AUTS2: variants seen among roughly 807,000 people sequenced by gnomAD.
AUTS2 encodes the protein autism susceptibility gene 2 protein.
Under a neutral mutation model 112.4 loss-of-function variants are expected in AUTS2, and 17 were observed. The ratio of observed to expected loss-of-function variants is 0.15; its 90% confidence interval spans 0.10 to 0.23. The LOEUF is 0.23. AUTS2 is among the 10% of genes least tolerant of loss of function. AUTS2 has a pLI of 1.00. For synonymous variants in AUTS2, 751 were observed against 702.7 expected, an observed-to-expected ratio of 1.07 and a Z score of -1.09; for missense variants, 1,510 against 1,701.6, an observed-to-expected ratio of 0.89 and a Z score of 1.98.
At chr7:70,155,766 A>G (rs538377882) in intron 4 of AUTS2, among the ~76,000 whole-genome samples, 1 of 152,202 alleles carries the variant, frequency 6.6e-6, no homozygotes, top group South Asian at 2.1e-4. Flanking sequence ...TTACTCTACT[A>G]GGGTAACCAA....
chr7:70,034,764 C>T (rs60558088), intron 2 of AUTS2, among the ~76,000 whole-genome samples: 4,456 of 152,138 alleles, frequency 0.029, 250 homozygotes, highest in African/African-American at 0.1. Context: ...TTAAGGTTAC[C>T]ACTCAGAACA....
intron 4 of AUTS2, among the ~76,000 whole-genome samples, chr7:70,223,736 T>C (rs1811605726): frequency 6.6e-6 from 1 of 152,182 alleles, no homozygotes; most frequent in South Asian, 2.1e-4. Context: ...GGTAGCTCCA[T>C]GCATGTTATT....
intron 3 of AUTS2, among the ~76,000 whole-genome samples, chr7:70,122,567 C>A (rs745515257): frequency 6.6e-6 from 1 of 152,020 alleles, no homozygotes; most frequent in Non-Finnish European, 1.5e-5. Context: ...ATTATAAAAT[C>A]CTGTCAGTCT....
intron 2 of AUTS2, among the ~76,000 whole-genome samples, chr7:69,997,981 T>G (rs1799022821): frequency 6.6e-6 from 1 of 152,192 alleles, no homozygotes; most frequent in Admixed American, 6.5e-5. Context: ...CAGGAGCAAT[T>G]TAACATTCTG....
chr7:70,005,576 G>A lies in AUTS2; in HGVS notation c.522+106078G>A, dbSNP rs114849546. Among the ~76,000 whole-genome samples, 443 of 152,272 alleles carry A rather than the reference G, an allele frequency of 2.9e-3. 5 individuals carry two copies. Among genetic ancestry groups the A allele is most frequent in the African/African-American group, 0.01 (428 of 41,574 alleles). ...GGGGCTGTTATAACAGGCATGTGCTGTTCGAGTTCAGGGGAAAGATGCACT... is the reference window on the plus strand; with the variant it reads ...GGGGCTGTTATAACAGGCATGTGCTATTCGAGTTCAGGGGAAAGATGCACT... On this transcript the variant is annotated intron_variant, in intron 2 of 18. Transcript: ENST00000342771.
chr7:70,127,354 G>A (rs975664017), intron 3 of AUTS2, among the ~76,000 whole-genome samples: 5 of 152,072 alleles, frequency 3.3e-5, no homozygotes, highest in African/African-American at 9.6e-5. Flanking sequence ...GGCTGGTCTC[G>A]AGCTCCTGGC....
chr7:70,167,400 CAG>C (rs142376036), intron 4 of AUTS2, among the ~76,000 whole-genome samples: 1,631 of 152,190 alleles, frequency 0.011, 26 homozygotes, highest in African/African-American at 0.036. Context: ...TACACAATAA[CAG>C]AGCTTCAGAA....
intron 2 of AUTS2, among the ~76,000 whole-genome samples, chr7:69,986,714 A>G (rs1396690320): frequency 1.3e-5 from 2 of 152,218 alleles, no homozygotes; most frequent in Admixed American, 1.3e-4. Context: ...TTTTCTGGAC[A>G]GTTATCCAAA....
intron 1 of AUTS2, among the ~76,000 whole-genome samples, chr7:69,858,161 C>G (rs1461345125): frequency 6.6e-6 from 1 of 152,172 alleles, no homozygotes; most frequent in Non-Finnish European, 1.5e-5. Context: ...AATTTATGAC[C>G]ACTTCTGGGG....
chr7:70,489,316 G>T (rs1463745364), intron 5 of AUTS2, among the ~76,000 whole-genome samples: 1 of 152,170 alleles, frequency 6.6e-6, no homozygotes, highest in African/African-American at 2.4e-5. Flanking sequence ...TTAATCAGGG[G>T]CAACTGACTT....
chr7:70,789,179 CTG>C (rs1393950937), intron 18 of AUTS2, among the ~76,000 whole-genome samples: 1 of 152,180 alleles, frequency 6.6e-6, no homozygotes, highest in Admixed American at 6.5e-5. Flanking sequence ...TTCTCACGTG[CTG>C]TGTCTTGGAG....
intron 4 of AUTS2, among the ~76,000 whole-genome samples, chr7:70,344,693 G>T (rs1791414638): frequency 6.6e-6 from 1 of 152,182 alleles, no homozygotes; most frequent in Non-Finnish European, 1.5e-5. Flanking sequence ...AATAAGCAAA[G>T]ATGACATTTG....
chr7:70,233,969 A>T (rs1053227166), intron 4 of AUTS2, among the ~76,000 whole-genome samples: 1 of 152,156 alleles, frequency 6.6e-6, no homozygotes, highest in Non-Finnish European at 1.5e-5. Flanking sequence ...GATCATGTGG[A>T]GGATGTATGT....
intron 1 of AUTS2, among the ~76,000 whole-genome samples, chr7:69,694,190 T>C (rs1797460302): frequency 6.6e-6 from 1 of 152,220 alleles, no homozygotes; most frequent in Admixed American, 6.5e-5. Context: ...TACCAAGTAC[T>C]AGTTTTGAAA....
intron 4 of AUTS2, among the ~76,000 whole-genome samples, chr7:70,236,397 G>C (rs1283966755): frequency 6.6e-6 from 1 of 152,156 alleles, no homozygotes; most frequent in African/African-American, 2.4e-5. Context: ...GTGACCTACT[G>C]TGCCAGGTGG....
chr7:70,002,286 G>C (rs1799234203), intron 2 of AUTS2, among the ~76,000 whole-genome samples: 1 of 152,088 alleles, frequency 6.6e-6, no homozygotes, highest in Non-Finnish European at 1.5e-5. Flanking sequence ...TTGTGAACAA[G>C]TAGAAAAATA....
At chr7:70,239,498 C>T (rs1271393221) in intron 4 of AUTS2, among the ~76,000 whole-genome samples, 3 of 152,010 alleles carry the variant, frequency 2.0e-5, no homozygotes, top group Non-Finnish European at 4.4e-5. Context: ...TGCAATGGTG[C>T]GATCTTGGCT....
chr7:69,758,112 A>G (rs1788018367), intron 1 of AUTS2, among the ~76,000 whole-genome samples: 1 of 152,218 alleles, frequency 6.6e-6, no homozygotes, highest in Non-Finnish European at 1.5e-5. Flanking sequence ...GCTAGAATTA[A>G]TTAGTTCTGC....
chr7:70,277,382 A>G (rs528097954), intron 4 of AUTS2, among the ~76,000 whole-genome samples: 47 of 152,244 alleles, frequency 3.1e-4, no homozygotes, highest in African/African-American at 8.4e-4. Context: ...GGGAGTGATC[A>G]GGAGTGTTAA....
Sources: gnomAD v4.1 joint callset for allele counts (sites outside exome capture counted in the v4.1 genomes callset) on GRCh38, gnomAD v4.1.1 for gene constraint, MANE v1.5 for transcripts, NCBI Gene and HGNC (gene_info 2026-07-23, HGNC 2026-07-21) for gene names.